The following DOCK4 variants were observed in gnomAD, a reference collection of about 807,000 sequenced individuals.
DOCK4 encodes the protein dedicator of cytokinesis 4.
DOCK4 carries 97 observed loss-of-function variants against 268.1 expected under a neutral mutation model. The ratio of observed to expected loss-of-function variants is 0.36; its 90% CI spans 0.31 to 0.43. DOCK4 has a LOEUF of 0.43. Among genes scored for constraint, DOCK4 ranks in the 20% least tolerant of loss-of-function variants. The pLI is 1.00. For missense variants in DOCK4, 2,145 were observed against 2,455.7 expected, an observed-to-expected ratio of 0.87 and a Z score of 2.67; for synonymous variants, 954 against 887.2, an observed-to-expected ratio of 1.08 and a Z score of -1.34.
At chr7:111,988,467 T>C (rs1486737197) in intron 6 of DOCK4, among the ~76,000 whole-genome samples, 2 of 152,168 alleles carry the variant, frequency 1.3e-5, no homozygotes, top group African/African-American at 2.4e-5. Flanking sequence ...TAAATCTCGG[T>C]CAAGAACAGC....
At chr7:111,734,635 C>CTGTT (rs753352464) in intron 51 of DOCK4, among the ~76,000 whole-genome samples, 3 of 152,164 alleles carry the variant, frequency 2.0e-5, no homozygotes, top group Non-Finnish European at 2.9e-5. Flanking sequence ...TGGAGCGTAA[C>CTGTT]TGTTAGTCAA....
chr7:112,029,274 A>G (rs1011636497), intron 1 of DOCK4, among the ~76,000 whole-genome samples: 67 of 152,332 alleles, frequency 4.4e-4, no homozygotes, highest in African/African-American at 1.5e-3. Flanking sequence ...CCGTGTGAAG[A>G]ATGCACATCC....
At chr7:112,109,715 T>A (rs1188586233) in intron 1 of DOCK4, among the ~76,000 whole-genome samples, 6 of 151,804 alleles carry the variant, frequency 4.0e-5, no homozygotes, top group Non-Finnish European at 8.8e-5. Context: ...TATATAGCAC[T>A]ATTTTTTTTT....
chr7:111,751,595 C>A (rs1318005678), intron 42 of DOCK4, among the ~76,000 whole-genome samples: 1 of 152,076 alleles, frequency 6.6e-6, no homozygotes, highest in Non-Finnish European at 1.5e-5. Flanking sequence ...CAGGCGTGAT[C>A]CACCATGCCC....
chr7:111,801,864 T>G (rs1466880706), intron 30 of DOCK4: 1 of 150,432 alleles, frequency 6.6e-6, no homozygotes, highest in East Asian at 2.0e-4. Flanking sequence ...TAATTTTTTT[T>G]TTTTTTTTTT....
intron 12 of DOCK4, among the ~76,000 whole-genome samples, chr7:111,924,460 A>C (rs974872703): frequency 2.0e-5 from 3 of 152,208 alleles, no homozygotes; most frequent in Admixed American, 6.5e-5. Flanking sequence ...CTTCTTGGCT[A>C]CATGTATATG....
At position 111,841,715 on chromosome 7, in the gene DOCK4, C is replaced by A. The variant is rs1803711415; in HGVS notation, c.2736+3048G>T. 3.9e-5 allele frequency among the ~76,000 whole-genome samples: 6 copies of A among 152,178 alleles called. No individual in the cohort carries two copies. The South Asian group carries it at 1.0e-3, about 26-fold the overall frequency. ...ACCACAGAGCTATGCAGGAAGGATT[C>A]TCTTCATGTGATTTTCTTATAATTT... is the stretch of plus-strand genomic sequence containing the variant. On this transcript the variant is annotated intron_variant, in intron 25 of 52. Transcript: ENST00000428084.
chr7:111,985,288 G>A (rs7778824), intron 6 of DOCK4, among the ~76,000 whole-genome samples: 4,352 of 152,020 alleles, frequency 0.029, 192 homozygotes, highest in African/African-American at 0.1. Context: ...ATGCCCTATC[G>A]ATCAAGGCCG....
chr7:111,742,386 T>G (rs1352176414), intron 44 of DOCK4, among the ~76,000 whole-genome samples: 1 of 152,152 alleles, frequency 6.6e-6, no homozygotes, highest in Non-Finnish European at 1.5e-5. Context: ...CCCCCAGGCT[T>G]CTTTCCCATG....
intron 1 of DOCK4, among the ~76,000 whole-genome samples, chr7:112,053,868 A>G (rs1805582337): frequency 6.6e-6 from 1 of 152,186 alleles, no homozygotes; most frequent in African/African-American, 2.4e-5. Context: ...GCAAATGAAG[A>G]TAGGAGCTGT....
chr7:112,107,322 C>T (rs749371944), intron 1 of DOCK4, among the ~76,000 whole-genome samples: 5 of 152,216 alleles, frequency 3.3e-5, no homozygotes, highest in African/African-American at 1.2e-4. Context: ...TAAGGTTAAA[C>T]GAGGTCACAT....
At chr7:112,179,841 A>G (rs1818868628) in intron 1 of DOCK4, among the ~76,000 whole-genome samples, 1 of 152,204 alleles carries the variant, frequency 6.6e-6, no homozygotes, top group Non-Finnish European at 1.5e-5. Flanking sequence ...GGTATGATGA[A>G]TATTTAACTG....
At chr7:112,055,994 C>G (rs1358419752) in intron 1 of DOCK4, among the ~76,000 whole-genome samples, 1 of 151,870 alleles carries the variant, frequency 6.6e-6, no homozygotes, top group Non-Finnish European at 1.5e-5. Flanking sequence ...AAACAAAGGG[C>G]TAGCAAAGGA....
intron 38 of DOCK4, 100 bp downstream of exon 38, chr7:111,766,932 G>A: frequency 1.2e-6 from 1 of 850,406 alleles, no homozygotes; most frequent in Non-Finnish European, 1.9e-6. Flanking sequence ...TCTTAAAAAG[G>A]GTTTCTGCAA....
intron 12 of DOCK4, 184 bp downstream of exon 12, chr7:111,935,356 A>G (rs988816895): frequency 3.0e-6 from 2 of 667,674 alleles, no homozygotes; most frequent in Non-Finnish European, 5.4e-6. Flanking sequence ...TTTTATAGGG[A>G]GTTATAAGTA....
At chr7:112,136,346 A>G (rs1814343004) in intron 1 of DOCK4, among the ~76,000 whole-genome samples, 1 of 152,222 alleles carries the variant, frequency 6.6e-6, no homozygotes, top group Non-Finnish European at 1.5e-5. Flanking sequence ...TAAATCACTC[A>G]GCCTAACATC....
At chr7:112,013,757 A>C (rs1183956661) in intron 1 of DOCK4, among the ~76,000 whole-genome samples, 1 of 152,234 alleles carries the variant, frequency 6.6e-6, no homozygotes, top group Non-Finnish European at 1.5e-5. Flanking sequence ...GCTTCGGCTC[A>C]GAGGCCTGAC....
chr7:111,920,251 T>A (rs1792991409), intron 12 of DOCK4, among the ~76,000 whole-genome samples: 1 of 152,160 alleles, frequency 6.6e-6, no homozygotes, highest in African/African-American at 2.4e-5. Context: ...TTAATAATAA[T>A]ATACTGCATA....
At chr7:111,754,997 A>G (rs1272031067) in intron 42 of DOCK4, among the ~76,000 whole-genome samples, 1 of 152,206 alleles carries the variant, frequency 6.6e-6, no homozygotes, top group Non-Finnish European at 1.5e-5. Flanking sequence ...CTACTGCTAG[A>G]AGAGAGTAAT....
Sources: allele counts gnomAD v4.1 joint callset (sites outside exome capture counted in the v4.1 genomes callset), GRCh38; gene constraint gnomAD v4.1.1; transcripts MANE v1.5; gene names NCBI Gene and HGNC (gene_info 2026-07-23, HGNC 2026-07-21).